The following TENM1 variants were observed in gnomAD, a reference collection of about 807,000 sequenced individuals.
TENM1 encodes teneurin transmembrane protein 1, also known as teneurin-1.
Under a neutral mutation model 174.8 loss-of-function variants are expected in TENM1, and 35 were observed. The ratio of observed to expected loss-of-function variants is 0.20; its 90% CI spans 0.15 to 0.27. TENM1 has a LOEUF of 0.27. Ranked by LOEUF, TENM1 falls within the 10% of genes least tolerant of loss-of-function variation. TENM1 has a pLI of 1.00. For missense variants in TENM1, 1,633 were observed against 2,130.1 expected, an observed-to-expected ratio of 0.77 and a Z score of 4.59; for synonymous variants, 781 against 798.7, an observed-to-expected ratio of 0.98 and a Z score of 0.37.
chrX:124,453,578 G>T, intron 22 of TENM1, 87 bp from the exon 26 acceptor site: 1 of 916,294 alleles, frequency 1.1e-6, no homozygotes, highest in Non-Finnish European at 1.5e-6. Context: ...CATAGCAATG[G>T]AAAGGCATTT....
At chrX:124,391,255 T>A (rs923057826) in intron 28 of TENM1, among the ~76,000 whole-genome samples, 1 of 111,784 alleles carries the variant, frequency 8.9e-6, no homozygotes, top group African/African-American at 3.3e-5. Flanking sequence ...GGAAGCCATT[T>A]TTCAATTTTT....
chrX:124,459,303 C>T (rs181521285), intron 22 of TENM1, among the ~76,000 whole-genome samples: 107 of 111,515 alleles, frequency 9.6e-4, no homozygotes, highest in African/African-American at 3.4e-3. Flanking sequence ...TTTCCATTTG[C>T]CGAGAACACT....
At chrX:124,476,382 A>C (rs927376466) in intron 22 of TENM1, among the ~76,000 whole-genome samples, 2 of 112,212 alleles carry the variant, frequency 1.8e-5, no homozygotes, top group Non-Finnish European at 3.8e-5. Flanking sequence ...AATAAAGTTA[A>C]GATGAATCCC....
intron 3 of TENM1, among the ~76,000 whole-genome samples, chrX:124,787,465 C>T (rs1415326181): frequency 9.2e-6 from 1 of 109,154 alleles, no homozygotes; most frequent in Non-Finnish European, 1.9e-5. Context: ...TGATTTCAGG[C>T]CCTGCCTTTA....
intron 11 of TENM1, among the ~76,000 whole-genome samples, chrX:124,632,835 C>T (rs1025626879): frequency 8.9e-6 from 1 of 112,117 alleles, no homozygotes; most frequent in African/African-American, 3.2e-5. Flanking sequence ...TCTTCTATAT[C>T]TCCAATCACC....
intron 23 of TENM1, among the ~76,000 whole-genome samples, chrX:124,449,159 C>A (rs1406794252): frequency 9.0e-6 from 1 of 111,515 alleles, no homozygotes; most frequent in Non-Finnish European, 1.9e-5. Context: ...TTCTGCCATC[C>A]CCTTCTCATA....
chrX:124,476,202 G>A (rs1199939432), intron 22 of TENM1, among the ~76,000 whole-genome samples: 1 of 111,779 alleles, frequency 8.9e-6, no homozygotes, highest in Non-Finnish European at 1.9e-5. Context: ...AAAAGTCACT[G>A]ATTATAGCCT....
chrX:124,837,840 T>C (rs937175480), intron 3 of TENM1, among the ~76,000 whole-genome samples: 1 of 111,865 alleles, frequency 8.9e-6, no homozygotes, highest in African/African-American at 3.2e-5. Flanking sequence ...ATTGCAGAGA[T>C]AGATGTTACC....
chrX:124,640,084 TTATATATACATATAACCTCTA>T (rs779032257), intron 11 of TENM1, among the ~76,000 whole-genome samples: 3 of 110,377 alleles, frequency 2.7e-5, no homozygotes, highest in African/African-American at 9.9e-5. Flanking sequence ...GTTATAGAGG[TTATATATACATATAACCTCTA>T]TATGTATATA....
chrX:124,499,839 T>C (rs2047286940), intron 19 of TENM1, among the ~76,000 whole-genome samples: 1 of 112,032 alleles, frequency 8.9e-6, no homozygotes, highest in Admixed American at 9.5e-5. Flanking sequence ...CTGTTTAGCA[T>C]GTCAGTATTT....
At chrX:124,587,345 T>A (rs1318088199) in intron 11 of TENM1, among the ~76,000 whole-genome samples, 18 of 108,286 alleles carry the variant, frequency 1.7e-4, no homozygotes, top group Middle Eastern at 4.7e-3. Flanking sequence ...ACAGAGATAT[T>A]GACCAATGGA....
At chrX:124,899,294 T>A (rs2057616833) in intron 1 of TENM1, among the ~76,000 whole-genome samples, 1 of 111,625 alleles carries the variant, frequency 9.0e-6, no homozygotes, top group African/African-American at 3.3e-5. Context: ...TGGGCTCAGG[T>A]GATTCTCCCA....
At chrX:125,051,808 C>A in the TENM1 span, among the ~76,000 whole-genome samples, 297 of 103,189 alleles carry the variant, frequency 2.9e-3, 2 homozygotes, top group African/African-American at 9.5e-3. Context: ...TCTAAAACAC[C>A]AAAAGCAATG....
At chrX:124,748,929 C>T (rs1008207415) in intron 3 of TENM1, among the ~76,000 whole-genome samples, 5 of 110,594 alleles carry the variant, frequency 4.5e-5, no homozygotes, top group African/African-American at 1.3e-4. Context: ...ATAGTAAGCA[C>T]TAAATAATAT....
chrX:124,724,651 C>G (rs1339533644), intron 4 of TENM1, among the ~76,000 whole-genome samples: 1 of 111,453 alleles, frequency 9.0e-6, no homozygotes, highest in Non-Finnish European at 1.9e-5. Context: ...CAAACATTAG[C>G]TGAGCATGGT....
intron 11 of TENM1, among the ~76,000 whole-genome samples, chrX:124,585,326 A>G (rs1476662072): frequency 9.0e-6 from 1 of 111,675 alleles, no homozygotes; most frequent in Non-Finnish European, 1.9e-5. Context: ...CAGAAATTAT[A>G]ACAAACTGTC....
intron 1 of TENM1, among the ~76,000 whole-genome samples, chrX:124,933,285 C>T (rs1426538747): frequency 8.9e-6 from 1 of 112,161 alleles, no homozygotes; most frequent in East Asian, 2.8e-4. Flanking sequence ...AAAAGGCCAG[C>T]AGCCAAAGGA....
At chrX:124,705,279 T>C (rs751909291) in intron 4 of TENM1, 28 bp from the exon 8 acceptor site, 3 of 1,102,556 alleles carry the variant, frequency 2.7e-6, no homozygotes, top group Non-Finnish European at 2.5e-6. Context: ...AAGTTTGGGC[T>C]ATAAAAAGCA....
chrX:124,789,495 A>G (rs2055127641), intron 3 of TENM1, among the ~76,000 whole-genome samples: 1 of 111,689 alleles, frequency 9.0e-6, no homozygotes, highest in Admixed American at 9.5e-5. Context: ...TTCCTTTTAA[A>G]AACTGAATGC....
Sources: allele counts gnomAD v4.1 joint callset (sites outside exome capture counted in the v4.1 genomes callset), GRCh38; gene constraint gnomAD v4.1.1; transcripts MANE v1.5; gene names NCBI Gene and HGNC (gene_info 2026-07-23, HGNC 2026-07-21).